The following CC2D2B variants were observed in gnomAD, a reference collection of about 807,000 sequenced individuals.
CC2D2B encodes the protein coiled-coil and C2 domain containing 2B, also known as protein CC2D2B.
In CC2D2B, 128 loss-of-function variants were observed where a neutral mutation model predicts 161.2. The ratio of observed to expected loss-of-function variants is 0.79; its 90% CI spans 0.69 to 0.92. CC2D2B has a LOEUF of 0.92. CC2D2B is among the 40% of genes least tolerant of loss of function. CC2D2B has a pLI of 0.00. For synonymous variants in CC2D2B, 391 were observed against 449.8 expected (o/e 0.87, Z 1.65); for missense variants, 1,173 against 1,375.1 (o/e 0.85, Z 2.32).
chr10:95,972,160 A>G lies in CC2D2B; in HGVS notation c.1739A>G (p.Tyr580Cys). The change falls in exon 16 of 35, where the codon TAT becomes TGT. Residue 580 changes from tyrosine to cysteine, a missense_variant. Physicochemically the swap from Tyr to Cys is radical, Grantham distance 194 (BLOSUM62 -2). Coordinates refer to ENST00000646931, the MANE Select transcript of CC2D2B (RefSeq NM_001349008.3). ...CTGAAAGGCAAAACCGCTTTGCAAT[A>G]TGTAGAGTTTAGCTCTGATAAGCTG... is the stretch of plus-strand genomic sequence containing the variant. ...TELKGKTALQYVEFSSDKLVM... is the reference protein window; with the variant it reads ...TELKGKTALQCVEFSSDKLVM... The G allele has an allele frequency of 2.4e-6, 3 of 1,231,998 alleles. No individual in the cohort carries two copies. Among genetic ancestry groups the G allele is most frequent in the Non-Finnish European group, 3.0e-6 (3 of 987,842 alleles). The allele number at this position is 1,231,998 out of a possible 1,614,324, so 76.3% of individuals were successfully genotyped here. A position where few individuals can be genotyped will look rare whatever the true frequency, so the allele number is the denominator to read the frequency against.
Position 95,996,181 on chromosome 10 carries a change from C to T in CC2D2B, c.2778C>T (p.His926=), listed in dbSNP as rs748328237. 3 of 1,515,314 alleles carry T rather than the reference C, an allele frequency of 2.0e-6. No homozygotes were observed. Among genetic ancestry groups the T allele is most frequent in the South Asian group, 2.5e-5 (2 of 80,990 alleles). The allele number at this position is 1,515,314 out of a possible 1,614,324, so 93.9% of individuals were successfully genotyped here. A position where few individuals can be genotyped will look rare whatever the true frequency, so the allele number is the denominator to read the frequency against. ...VHPFVEVSFQ[H]TVYKTNTASG... ...CATTCGTGGAAGTTTCTTTCCAGCA[C>T]ACTGTATACAAAACCAATACAGCAA... Residue 926 remains histidine, a synonymous_variant, in exon 24 of 35, where the codon CAC becomes CAT. Coordinates refer to ENST00000646931, the MANE Select transcript of CC2D2B (RefSeq NM_001349008.3).
At position 95,922,643 on chromosome 10, in the gene CC2D2B, G is replaced by T. The variant is rs1010049281; in HGVS notation, c.97+567G>T. On this transcript the variant is annotated intron_variant, in intron 3 of 34. Transcript: ENST00000646931. ...TAACCTTTAAGCACTCAAAGGCAGG[G>T]AATAGAAAAAGTAAAAAGCAAGGCA... 3.9e-5 allele frequency among the ~76,000 whole-genome samples: 6 copies of T among 152,116 alleles called. No individual in the cohort carries two copies. The South Asian group carries it at 1.0e-3, about 26-fold the overall frequency.
chr10:95,977,914 G>T (rs1248132900), intron 17 of CC2D2B, among the ~76,000 whole-genome samples: 1 of 152,182 alleles, frequency 6.6e-6, no homozygotes, highest in South Asian at 2.1e-4. Flanking sequence ...TACCAGGGAT[G>T]GGGAAGGGAG....
At chr10:95,927,582 G>A (rs2098541576) in intron 6 of CC2D2B, among the ~76,000 whole-genome samples, 1 of 144,528 alleles carries the variant, frequency 6.9e-6, no homozygotes, top group Admixed American at 7.2e-5. Context: ...CTGTGAGGCA[G>A]GCATTATGCT....
chr10:95,944,602 T>C (rs941140089), intron 9 of CC2D2B, among the ~76,000 whole-genome samples: 4 of 152,222 alleles, frequency 2.6e-5, no homozygotes, highest in Non-Finnish European at 5.9e-5. Context: ...CAACAATTTG[T>C]TGAATGAATG....
intron 9 of CC2D2B, among the ~76,000 whole-genome samples, chr10:95,941,058 T>C: frequency 6.6e-6 from 1 of 151,840 alleles, no homozygotes; most frequent in Non-Finnish European, 1.5e-5. Flanking sequence ...AGTCAAATGA[T>C]CTTCAAGAGG....
At chr10:96,018,449 G>C (rs978587589) in intron 30 of CC2D2B, among the ~76,000 whole-genome samples, 3 of 152,078 alleles carry the variant, frequency 2.0e-5, no homozygotes, top group African/African-American at 7.2e-5. Flanking sequence ...ATCTCTGCCT[G>C]GTGTTCACCC....
At chr10:96,015,314 T>C (rs536179037) in intron 29 of CC2D2B, among the ~76,000 whole-genome samples, 1 of 148,444 alleles carries the variant, frequency 6.7e-6, no homozygotes, top group East Asian at 2.0e-4. Flanking sequence ...CCTGACCTCG[T>C]GATCTGGCCG....
intron 9 of CC2D2B, among the ~76,000 whole-genome samples, chr10:95,941,712 C>T (rs4918980): frequency 0.67 from 101,842 of 151,896 alleles, 35,001 homozygotes; most frequent in East Asian, 0.88. Flanking sequence ...GGCAACAATG[C>T]GGAGAAATTA....
At chr10:95,911,141 G>A (rs1358637611) in intron 1 of CC2D2B, 160 bp from the exon 2 acceptor site, 1 of 182,216 alleles carries the variant, frequency 5.5e-6, no homozygotes, top group Non-Finnish European at 1.1e-5. Flanking sequence ...ATTAAATACT[G>A]AAGGTGACCA....
chr10:96,006,711 A>T lies in CC2D2B; in HGVS notation c.2946+2463A>T, dbSNP rs368006196. On this transcript the variant is annotated intron_variant, in intron 25 of 34. Coordinates refer to ENST00000646931, the MANE Select transcript of CC2D2B (RefSeq NM_001349008.3). ...TTCCTTTGATTTACAAGGGATTGAG[A>T]GACTAAATACACAGATATCTGAGTT... is the stretch of plus-strand genomic sequence containing the variant. 7.9e-5 allele frequency among the ~76,000 whole-genome samples: 12 copies of T among 152,172 alleles called. No individual in the cohort carries two copies. The East Asian group carries it at 2.3e-3, about 29-fold the overall frequency.
intron 24 of CC2D2B, among the ~76,000 whole-genome samples, chr10:96,001,463 T>C (rs946996409): frequency 6.6e-6 from 1 of 152,196 alleles, no homozygotes; most frequent in Admixed American, 6.5e-5. Context: ...CTGAAGCCTA[T>C]GTTAATATAT....
intron 24 of CC2D2B, chr10:96,000,009 C>T: frequency 4.9e-6 from 6 of 1,223,130 alleles, no homozygotes; most frequent in Middle Eastern, 3.0e-4. Flanking sequence ...GAATCTTGCC[C>T]TTCTTTGTTT....
Position 95,924,853 on chromosome 10 carries a change from CTT to C in CC2D2B, c.240+12_240+13del, listed in dbSNP as rs1474190589. The C allele has an allele frequency of 1.3e-6, 2 of 1,532,520 alleles. No homozygotes were observed. Among genetic ancestry groups the C allele is most frequent in the Non-Finnish European group, 8.8e-7 (1 of 1,130,996 alleles). The allele number at this position is 1,532,520 out of a possible 1,614,324, so 94.9% of individuals were successfully genotyped here. ...TACATCAAAGGTCCAAGGTGAATAA[CTT>C]TTCTCTTTTTTTACTTTTTAAAACA... is the stretch of plus-strand genomic sequence containing the variant. On this transcript the variant is annotated intron_variant, in intron 5 of 34. Transcript: ENST00000646931.
At chr10:95,945,376 A>G (rs1396653707) in intron 9 of CC2D2B, among the ~76,000 whole-genome samples, 1 of 152,160 alleles carries the variant, frequency 6.6e-6, no homozygotes, top group African/African-American at 2.4e-5. Context: ...TATAAGGGCA[A>G]CCAAGGTAGA....
intron 9 of CC2D2B, among the ~76,000 whole-genome samples, chr10:95,940,360 T>G (rs1471730603): frequency 6.6e-6 from 1 of 152,220 alleles, no homozygotes; most frequent in East Asian, 1.9e-4. Context: ...CATATCACTC[T>G]TAATTGTGCT....
rs2079683102 is a variant in CC2D2B, at chr10:96,025,184, T to TATATAA, written c.3947+274_3947+275insTATAAA. ...ATATATATATATATATATATATATA[T>TATATAA]AAAAAAAAATATATATATATATATA... On this transcript the variant is annotated intron_variant, in intron 33 of 34. Coordinates refer to ENST00000646931, the MANE Select transcript of CC2D2B (RefSeq NM_001349008.3). 1.4e-3 allele frequency among the ~76,000 whole-genome samples: 29 copies of TATATAA among 20,630 alleles called. 1 individual carries two copies. Among genetic ancestry groups the TATATAA allele is most frequent in the Admixed American group, 0.012 (17 of 1,392 alleles). The allele number at this position is 20,630 out of a possible 152,430, so 13.5% of individuals were successfully genotyped here.
At chr10:95,940,280 A>T (rs1212833728) in intron 9 of CC2D2B, among the ~76,000 whole-genome samples, 1 of 152,202 alleles carries the variant, frequency 6.6e-6, no homozygotes, top group Non-Finnish European at 1.5e-5. Flanking sequence ...ATCACTTTGT[A>T]CCAAGCCCCA....
chr10:95,995,134 T>G (rs2078181895), intron 22 of CC2D2B, 135 bp from the exon 23 acceptor site: 2 of 497,060 alleles, frequency 4.0e-6, no homozygotes, highest in African/African-American at 3.9e-5. Context: ...GATAAGACAA[T>G]TCAAGGCAAA....
Sources: gnomAD v4.1 joint callset for allele counts (sites outside exome capture counted in the v4.1 genomes callset) on GRCh38, gnomAD v4.1.1 for gene constraint, MANE v1.5 for transcripts, NCBI Gene and HGNC (gene_info 2026-07-23, HGNC 2026-07-21) for gene names.